DNAH7: variants seen among roughly 807,000 people sequenced by gnomAD.
DNAH7 encodes the protein dynein axonemal heavy chain 7, also known as axonemal beta dynein heavy chain 7.
A neutral mutation model predicts 444.6 loss-of-function variants in DNAH7; 397 were observed. That is an observed-to-expected ratio of 0.89 (90% confidence interval 0.82 to 0.97). The LOEUF (loss-of-function observed/expected upper bound fraction) is 0.97. Ranked by LOEUF, DNAH7 falls within the 50% of genes least tolerant of loss-of-function variation. The pLI is 0.00. For missense variants in DNAH7, 4,902 were observed against 4,800.8 expected (o/e 1.02, Z -0.62); for synonymous variants, 1,636 against 1,624.4 (o/e 1.01, Z -0.17).
At chr2:195,956,005 T>C (rs1346303523) in intron 19 of DNAH7, among the ~76,000 whole-genome samples, 1 of 152,170 alleles carries the variant, frequency 6.6e-6, no homozygotes, top group East Asian at 1.9e-4. Flanking sequence ...AGAAGTTTGG[T>C]TTATAAAAAG....
chr2:195,857,394 T>C lies in DNAH7; in HGVS notation c.8397A>G (p.Ala2799=). 1 of 1,581,720 alleles carries C rather than the reference T, an allele frequency of 6.3e-7. No homozygotes were observed. Among genetic ancestry groups the C allele is most frequent in the Non-Finnish European group, 8.6e-7 (1 of 1,168,882 alleles). The change falls in exon 44 of 65, where the codon GCA becomes GCG. Residue 2799 remains alanine, a synonymous_variant. Coordinates refer to ENST00000312428, the MANE Select transcript of DNAH7 (RefSeq NM_018897.3). The part of the protein sequence containing the change: ...AAEGLCKWVI[A]MDSYDKVAKI... Reference sequence around the variant, plus strand: ...GCACTTACTTATCATATGAATCCATTGCTATGACCCATTTGCACAGACCTT... The same window carrying C: ...GCACTTACTTATCATATGAATCCATCGCTATGACCCATTTGCACAGACCTT...
intron 5 of DNAH7, among the ~76,000 whole-genome samples, chr2:196,032,185 G>C (rs1696102067): frequency 6.6e-6 from 1 of 152,112 alleles, no homozygotes; most frequent in South Asian, 2.1e-4. Context: ...CAAACCATCA[G>C]CTCTCCTGAG....
chr2:196,019,318 G>A (rs774894577), intron 8 of DNAH7, 23 bp from the exon 9 acceptor site: 1 of 1,440,414 alleles, frequency 6.9e-7, no homozygotes, highest in Admixed American at 2.1e-5. Context: ...AAAATATTTA[G>A]TTACAGTCTC....
Position 195,816,744 on chromosome 2 carries a change from A to G in DNAH7, c.9645T>C (p.Phe3215=), listed in dbSNP as rs1007541420. The change falls in exon 51 of 65, where the codon TTT becomes TTC. Residue 3215 remains phenylalanine (F), a synonymous_variant. Transcript: ENST00000312428. The part of the protein sequence containing the change: ...PIAIHSSILF[F]SLADLANIEP... ...CAATGTTGGCTAAATCAGCAAGAGAAAAAAATAGGATGGAAGAATGGATGG... is the reference window on the plus strand; with the variant it reads ...CAATGTTGGCTAAATCAGCAAGAGAGAAAAATAGGATGGAAGAATGGATGG... The G allele has an allele frequency of 3.1e-6, 5 of 1,614,212 alleles. No homozygotes were observed. In the Admixed American group the frequency reaches 8.3e-5, roughly 27 times the overall value.
intron 21 of DNAH7, 85 bp downstream of exon 21, chr2:195,934,506 T>A (rs1201554385): frequency 7.2e-7 from 1 of 1,387,292 alleles, no homozygotes; most frequent in Non-Finnish European, 1.0e-6. Context: ...TCTGTTTAAA[T>A]AACAGTACAT....
At chr2:195,812,216 C>T (rs1186090880) in intron 51 of DNAH7, among the ~76,000 whole-genome samples, 3 of 152,066 alleles carry the variant, frequency 2.0e-5, no homozygotes, top group Non-Finnish European at 4.4e-5. Context: ...ATCAAACTAT[C>T]CTTGAAAAGC....
At chr2:196,018,776 CAAT>C (rs1437036664) in intron 9 of DNAH7, among the ~76,000 whole-genome samples, 1 of 151,906 alleles carries the variant, frequency 6.6e-6, no homozygotes, top group Non-Finnish European at 1.5e-5. Flanking sequence ...GGACTACAGT[CAAT>C]AATACTTTAA....
intron 38 of DNAH7, among the ~76,000 whole-genome samples, chr2:195,875,297 T>A (rs1270640786): frequency 1.3e-5 from 2 of 152,072 alleles, no homozygotes; most frequent in Non-Finnish European, 2.9e-5. Context: ...CAGAGGAAGA[T>A]GAGATGCCCC....
At chr2:195,859,158 T>C (rs149435241) in intron 42 of DNAH7, among the ~76,000 whole-genome samples, 1 of 152,334 alleles carries the variant, frequency 6.6e-6, no homozygotes, top group Non-Finnish European at 1.5e-5. Context: ...CCAGCAACAC[T>C]ACTGCTGCTT....
chr2:195,939,179 TCTC>T (rs1309873008), intron 19 of DNAH7, among the ~76,000 whole-genome samples: 6 of 152,100 alleles, frequency 3.9e-5, no homozygotes, highest in Non-Finnish European at 8.8e-5. Context: ...CCCCTTTCCT[TCTC>T]CTCACCCCAA....
intron 27 of DNAH7, 159 bp from the exon 28 acceptor site, chr2:195,900,653 T>G (rs935980695): frequency 3.1e-6 from 2 of 639,248 alleles, no homozygotes; most frequent in African/African-American, 3.7e-5. Flanking sequence ...CTGGGAAAGG[T>G]GAGGTGGGGC....
chr2:196,015,310 T>C (rs762707564), intron 9 of DNAH7, among the ~76,000 whole-genome samples: 1 of 152,212 alleles, frequency 6.6e-6, no homozygotes, highest in Non-Finnish European at 1.5e-5. Flanking sequence ...TGTTTAAAAA[T>C]GATTTCATTT....
Position 195,881,796 on chromosome 2 carries a change from G to T in DNAH7, c.5960C>A (p.Thr1987Lys). 1 of 1,613,136 alleles carries T rather than the reference G, an allele frequency of 6.2e-7. No individual in the cohort carries two copies. The highest frequency in any genetic ancestry group is 1.1e-5 in the South Asian group (1 of 91,054). Residue 1987 changes from threonine to lysine, a missense_variant and splice_region_variant, in exon 36 of 65, where the codon ACG becomes AAG. Transcript: ENST00000312428. ...TACGCAGATTTCTGCAGTACTTACC[G>T]TAATGTAAACACTTTTCCCAGTTCC... ...PTGTGKSVYI[T>K]NFLLNQLNKE...
chr2:195,869,610 G>T (rs1700558794), intron 40 of DNAH7, among the ~76,000 whole-genome samples: 1 of 152,150 alleles, frequency 6.6e-6, no homozygotes, highest in South Asian at 2.1e-4. Flanking sequence ...CTAGAAAGAA[G>T]AATTTGATCA....
At chr2:195,798,132 C>T (rs1007517076) in intron 55 of DNAH7, among the ~76,000 whole-genome samples, 8 of 152,090 alleles carry the variant, frequency 5.3e-5, no homozygotes, top group African/African-American at 1.7e-4. Context: ...AAATTTTTTT[C>T]TATGCCTTAT....
chr2:195,974,820 C>T (rs1309732280), intron 15 of DNAH7, among the ~76,000 whole-genome samples: 1 of 150,088 alleles, frequency 6.7e-6, no homozygotes, highest in African/African-American at 2.5e-5. Context: ...GACCTCAATC[C>T]AAGTACAAAT....
At chr2:195,860,158 A>C (rs756342225) in intron 42 of DNAH7, among the ~76,000 whole-genome samples, 1 of 152,168 alleles carries the variant, frequency 6.6e-6, no homozygotes, top group Admixed American at 6.5e-5. Flanking sequence ...TGTAAGTTTG[A>C]ACTTATAACT....
chr2:195,970,599 C>G (rs1207354830), intron 16 of DNAH7, among the ~76,000 whole-genome samples: 2 of 152,184 alleles, frequency 1.3e-5, no homozygotes, highest in East Asian at 3.9e-4. Flanking sequence ...CCAATGGGCT[C>G]TCTTCACAAG....
rs769122664 is a variant in DNAH7, at chr2:196,048,301, G to A, written c.245C>T (p.Ser82Phe). The stretch of plus-strand genomic sequence containing the variant: ...TAGAATATTGAAGTTCTTACCATGG[G>A]ACTGTTCATTTTTAACACTAAATGG... ...PEPFSVKNEQ[S>F]HAEYMERFGK... Residue 82 changes from serine to phenylalanine, a missense_variant, in exon 4 of 65, where the codon TCC becomes TTC. Transcript: ENST00000312428. 1.9e-6 allele frequency: 3 copies of A among 1,610,708 alleles called. No individual in the cohort carries two copies. In the South Asian group the frequency reaches 3.3e-5, roughly 18 times the overall value.
Sources: allele counts gnomAD v4.1 joint callset (sites outside exome capture counted in the v4.1 genomes callset), GRCh38; gene constraint gnomAD v4.1.1; transcripts MANE v1.5; gene names NCBI Gene and HGNC (gene_info 2026-07-23, HGNC 2026-07-21).